The following FRMPD4 variants were observed in gnomAD, a reference collection of about 807,000 sequenced individuals.
FRMPD4 encodes the protein FERM and PDZ domain containing 4, also known as FERM and PDZ domain-containing protein 4.
In FRMPD4, 22 loss-of-function variants were observed where a neutral mutation model predicts 94.1. The observed-to-expected ratio is 0.23, with a 90% CI of 0.17 to 0.33. The LOEUF is 0.33. Ranked by LOEUF, FRMPD4 falls within the 10% of genes least tolerant of loss-of-function variation. The probability of loss-of-function intolerance (pLI) is 1.00; values close to 1 mark genes in which losing one functional copy is unlikely to be tolerated. For synonymous variants in FRMPD4, 631 were observed against 548.6 expected (o/e 1.15, Z -2.10); for missense variants, 1,111 against 1,339.9 (o/e 0.83, Z 2.67).
chrX:12,309,975 G>A (rs1601804992), intron 1 of FRMPD4, among the ~76,000 whole-genome samples: 1 of 112,277 alleles, frequency 8.9e-6, no homozygotes, highest in East Asian at 2.8e-4. Flanking sequence ...ACTCATTTGT[G>A]TTCTGAGCAC....
intron 1 of FRMPD4, among the ~76,000 whole-genome samples, chrX:11,838,806 A>G (rs778718993): frequency 8.9e-6 from 1 of 111,907 alleles, no homozygotes; most frequent in East Asian, 2.8e-4. Context: ...ATCTTGTAGC[A>G]TGTATCAGTA....
chrX:12,359,733 G>T (rs140624389), intron 1 of FRMPD4, among the ~76,000 whole-genome samples: 1,627 of 112,024 alleles, frequency 0.015, 13 homozygotes, highest in Non-Finnish European at 0.023. Flanking sequence ...CTCCCAAAGT[G>T]CTGGGATTAC....
At chrX:12,369,448 G>A (rs1191302023) in intron 1 of FRMPD4, among the ~76,000 whole-genome samples, 2 of 111,426 alleles carry the variant, frequency 1.8e-5, no homozygotes, top group Admixed American at 9.6e-5. Flanking sequence ...GCTGGATACT[G>A]TTTCAACATT....
chrX:12,484,670 A>G (rs2057721480), intron 1 of FRMPD4, among the ~76,000 whole-genome samples: 1 of 111,682 alleles, frequency 9.0e-6, no homozygotes, highest in Admixed American at 9.5e-5. Context: ...GTTCAGTTTC[A>G]TTCCACCCTG....
intron 3 of FRMPD4, among the ~76,000 whole-genome samples, chrX:12,005,377 G>A (rs757156282): frequency 2.3e-4 from 25 of 107,729 alleles, no homozygotes; most frequent in South Asian, 2.1e-3. Flanking sequence ...ACAGACACCC[G>A]ATGTTGGCTT....
chrX:12,155,744 A>G (rs2055926462), intron 1 of FRMPD4, among the ~76,000 whole-genome samples: 1 of 111,366 alleles, frequency 9.0e-6, no homozygotes, highest in Non-Finnish European at 1.9e-5. Context: ...ACCATGTTCC[A>G]TGTATTTCCT....
intron 1 of FRMPD4, among the ~76,000 whole-genome samples, chrX:12,199,271 ATGTG>A (rs768931246): frequency 2.0e-4 from 11 of 54,630 alleles, no homozygotes; most frequent in East Asian, 1.2e-3. Flanking sequence ...GTGTGTGTGT[ATGTG>A]TGTGTGTGTG....
chrX:11,958,778 C>T (rs748607281), intron 3 of FRMPD4, among the ~76,000 whole-genome samples: 2 of 112,144 alleles, frequency 1.8e-5, no homozygotes, highest in Non-Finnish European at 3.8e-5. Flanking sequence ...CCCTAAGATA[C>T]TCATATCACA....
chrX:12,543,680 A>G (rs1382955145), intron 2 of FRMPD4, among the ~76,000 whole-genome samples: 22 of 111,921 alleles, frequency 2.0e-4, no homozygotes, highest in East Asian at 5.6e-4. Context: ...ACAGTGTGGC[A>G]ATTCCTCAAG....
At chrX:12,243,178 G>C (rs2053902148) in intron 1 of FRMPD4, among the ~76,000 whole-genome samples, 1 of 112,179 alleles carries the variant, frequency 8.9e-6, no homozygotes. Context: ...CACTGGACCT[G>C]GCCTGTTCAC....
intron 1 of FRMPD4, among the ~76,000 whole-genome samples, chrX:12,206,342 T>C (rs949886684): frequency 2.7e-5 from 3 of 111,888 alleles, no homozygotes; most frequent in Non-Finnish European, 5.6e-5. Context: ...TTTATTCTTT[T>C]TTGGGGAGGA....
chrX:12,658,155 A>G (rs994270269), intron 4 of FRMPD4, among the ~76,000 whole-genome samples: 4 of 112,048 alleles, frequency 3.6e-5, no homozygotes, highest in African/African-American at 1.3e-4. Context: ...AACCTCTGAG[A>G]TGGTGAAGAA....
intron 3 of FRMPD4, among the ~76,000 whole-genome samples, chrX:11,970,631 G>A (rs1017884022): frequency 8.9e-6 from 1 of 112,358 alleles, no homozygotes; most frequent in African/African-American, 3.2e-5. Context: ...AGAGAGAGTA[G>A]ATGTTAAAGC....
At chrX:12,610,639 T>A (rs759755774) in intron 3 of FRMPD4, among the ~76,000 whole-genome samples, 4 of 110,076 alleles carry the variant, frequency 3.6e-5, no homozygotes, top group African/African-American at 1.3e-4. Flanking sequence ...TCCCAGCTAC[T>A]CGGGAGACTG....
intron 3 of FRMPD4, among the ~76,000 whole-genome samples, chrX:12,048,803 T>A (rs183234912): frequency 3.4e-4 from 38 of 111,653 alleles, no homozygotes; most frequent in African/African-American, 1.2e-3. Flanking sequence ...GGTAGGTGTG[T>A]GACATTATTT....
At chrX:12,007,935 C>T (rs778800998) in intron 3 of FRMPD4, among the ~76,000 whole-genome samples, 1 of 111,505 alleles carries the variant, frequency 9.0e-6, no homozygotes, top group Admixed American at 9.5e-5. Flanking sequence ...GACCCCATGC[C>T]CCCATGAATG....
intron 2 of FRMPD4, among the ~76,000 whole-genome samples, chrX:12,507,579 G>A (rs771080151): frequency 1.8e-5 from 2 of 111,886 alleles, no homozygotes; most frequent in Admixed American, 1.9e-4. Context: ...CCCATGAAAT[G>A]AGGAGCTGAC....
intron 1 of FRMPD4, among the ~76,000 whole-genome samples, chrX:12,349,143 G>A (rs1231722812): frequency 9.0e-6 from 1 of 111,667 alleles, no homozygotes; most frequent in African/African-American, 3.3e-5. Flanking sequence ...ACTCAGACAT[G>A]CAGTGTGTGC....
chrX:12,109,791 C>A (rs1400972547), intron 3 of FRMPD4, among the ~76,000 whole-genome samples: 1 of 111,964 alleles, frequency 8.9e-6, no homozygotes, highest in Non-Finnish European at 1.9e-5. Flanking sequence ...ACTATAAACA[C>A]CTCTATGCAA....
Sources: gnomAD v4.1 joint callset for allele counts (sites outside exome capture counted in the v4.1 genomes callset) on GRCh38, gnomAD v4.1.1 for gene constraint, MANE v1.5 for transcripts, NCBI Gene and HGNC (gene_info 2026-07-23, HGNC 2026-07-21) for gene names.